Variants in LUZP2 observed in about 807,000 individuals in gnomAD.
LUZP2 encodes the protein leucine zipper protein 2.
LUZP2 carries 52 observed loss-of-function variants against 51.6 expected under a neutral mutation model. That is an observed-to-expected ratio of 1.01 (90% CI 0.81 to 1.27). The LOEUF is 1.27. Ranked by LOEUF, LUZP2 falls within the 50% of genes most tolerant of loss-of-function variation. LUZP2 has a pLI of 0.00. For missense variants in LUZP2, 436 were observed against 395.4 expected (o/e 1.10, Z -0.87); for synonymous variants, 154 against 137.3 (o/e 1.12, Z -0.85).
chr11:24,920,844 A>C (rs1271232128), intron 7 of LUZP2, among the ~76,000 whole-genome samples: 2 of 152,160 alleles, frequency 1.3e-5, no homozygotes, highest in African/African-American at 4.8e-5. Context: ...AATGTGTATC[A>C]TGTACATTAT....
At chr11:24,675,416 A>G (rs1215789369) in intron 1 of LUZP2, among the ~76,000 whole-genome samples, 1 of 152,194 alleles carries the variant, frequency 6.6e-6, no homozygotes, top group Admixed American at 6.5e-5. Flanking sequence ...TAGATGGTCA[A>G]ATTTTTGCTT....
chr11:24,786,219 T>G (rs897453112), intron 5 of LUZP2: 2 of 965,520 alleles, frequency 2.1e-6, no homozygotes, highest in African/African-American at 3.5e-5. Flanking sequence ...TATTTTTAGG[T>G]TAACTTAATT....
intron 6 of LUZP2, among the ~76,000 whole-genome samples, chr11:24,906,486 CATTGGTTCT>C (rs1213628006): frequency 6.6e-6 from 1 of 152,060 alleles, no homozygotes; most frequent in Non-Finnish European, 1.5e-5. Flanking sequence ...TCAATACACT[CATTGGTTCT>C]ATTTGCTGTG....
intron 7 of LUZP2, among the ~76,000 whole-genome samples, chr11:24,967,315 G>C (rs966132935): frequency 1.3e-5 from 2 of 151,800 alleles, no homozygotes; most frequent in Non-Finnish European, 3.0e-5. Flanking sequence ...TAAATCTCGT[G>C]TTCAACAGCA....
At chr11:25,061,948 T>A (rs1431872798) in intron 10 of LUZP2, among the ~76,000 whole-genome samples, 1 of 152,162 alleles carries the variant, frequency 6.6e-6, no homozygotes, top group Non-Finnish European at 1.5e-5. Flanking sequence ...TTAAATGTTA[T>A]ATTTTTATGA....
chr11:24,918,557 T>C (rs1030529471), intron 7 of LUZP2, among the ~76,000 whole-genome samples: 2 of 151,842 alleles, frequency 1.3e-5, no homozygotes, highest in East Asian at 1.9e-4. Context: ...TGATGGGACG[T>C]ATCTCAAAAT....
At chr11:24,576,194 C>T (rs1005159822) in intron 1 of LUZP2, among the ~76,000 whole-genome samples, 8 of 151,734 alleles carry the variant, frequency 5.3e-5, no homozygotes, top group Admixed American at 2.0e-4. Context: ...AGGTGGATCA[C>T]GAGGTCAGGA....
intron 1 of LUZP2, chr11:24,646,537 C>T (rs748211352): frequency 2.1e-5 from 20 of 961,666 alleles, no homozygotes; most frequent in Non-Finnish European, 2.3e-5. Flanking sequence ...TTAATAGTCT[C>T]TTGATTGCAA....
intron 1 of LUZP2, among the ~76,000 whole-genome samples, chr11:24,694,930 G>C (rs1320182177): frequency 1.3e-5 from 2 of 150,534 alleles, no homozygotes; most frequent in Non-Finnish European, 3.0e-5. Flanking sequence ...GGGGGGCTGT[G>C]TAGGGGGCAA....
intron 5 of LUZP2, among the ~76,000 whole-genome samples, chr11:24,820,995 T>A (rs2134157584): frequency 6.6e-6 from 1 of 152,238 alleles, no homozygotes; most frequent in South Asian, 2.1e-4. Context: ...AATCAGTGGA[T>A]CTGAAAAGCA....
chr11:24,517,287 C>G (rs1434647788), intron 1 of LUZP2, among the ~76,000 whole-genome samples: 2 of 151,448 alleles, frequency 1.3e-5, no homozygotes, highest in African/African-American at 4.8e-5. Flanking sequence ...AGATCGAGAC[C>G]ATCCTGGCTA....
At chr11:25,032,598 C>G (rs1857722624) in intron 9 of LUZP2, among the ~76,000 whole-genome samples, 1 of 152,086 alleles carries the variant, frequency 6.6e-6, no homozygotes, top group Non-Finnish European at 1.5e-5. Context: ...CATGGAGAAG[C>G]TCTCATACCT....
chr11:24,884,433 G>C (rs1852602331), intron 5 of LUZP2, among the ~76,000 whole-genome samples: 1 of 151,946 alleles, frequency 6.6e-6, no homozygotes, highest in Non-Finnish European at 1.5e-5. Flanking sequence ...AATGCTAGTT[G>C]AAACACAGAC....
At chr11:24,885,715 G>GC (rs1852648689) in intron 5 of LUZP2, among the ~76,000 whole-genome samples, 1 of 152,078 alleles carries the variant, frequency 6.6e-6, no homozygotes, top group African/African-American at 2.4e-5. Context: ...TCGTGAAGCT[G>GC]CAGGTAGTAT....
intron 1 of LUZP2, among the ~76,000 whole-genome samples, chr11:24,713,804 TC>T (rs764662333): frequency 6.9e-6 from 1 of 145,656 alleles, no homozygotes; most frequent in East Asian, 2.1e-4. Context: ...TTCTCCTTCC[TC>T]AGCCTCCTGA....
At chr11:24,614,115 G>A (rs77045618) in intron 1 of LUZP2, among the ~76,000 whole-genome samples, 28,766 of 151,780 alleles carry the variant, frequency 0.19, 3,076 homozygotes, top group African/African-American at 0.29. Flanking sequence ...TGCTTGGTGA[G>A]TAGATTTTTG....
intron 5 of LUZP2, among the ~76,000 whole-genome samples, chr11:24,818,958 T>G (rs1850273774): frequency 6.6e-6 from 1 of 152,128 alleles, no homozygotes; most frequent in African/African-American, 2.4e-5. Flanking sequence ...CAATATTTTT[T>G]GAATACATTA....
At chr11:24,789,513 G>A (rs1267927744) in intron 5 of LUZP2, among the ~76,000 whole-genome samples, 11 of 152,098 alleles carry the variant, frequency 7.2e-5, no homozygotes, top group African/African-American at 2.4e-4. Context: ...TTTCCTGATG[G>A]AGTCCTGATT....
At chr11:24,736,868 T>A (rs1363527894) in intron 3 of LUZP2, among the ~76,000 whole-genome samples, 1 of 152,040 alleles carries the variant, frequency 6.6e-6, no homozygotes, top group East Asian at 1.9e-4. Flanking sequence ...CAAGAAGGCA[T>A]AAATCATTTA....
Sources: gnomAD v4.1 joint callset for allele counts (sites outside exome capture counted in the v4.1 genomes callset) on GRCh38, gnomAD v4.1.1 for gene constraint, MANE v1.5 for transcripts, NCBI Gene and HGNC (gene_info 2026-07-23, HGNC 2026-07-21) for gene names.